The following RBMS3 variants were observed in gnomAD, a reference collection of about 807,000 sequenced individuals.
The protein encoded by RBMS3 is RNA-binding motif, single-stranded-interacting protein 3.
RBMS3 carries 27 observed loss-of-function variants against 66.8 expected under a neutral mutation model. That is an observed-to-expected ratio of 0.40 (90% CI 0.30 to 0.56). The LOEUF (loss-of-function observed/expected upper bound fraction) is 0.56. Among genes scored for constraint, RBMS3 ranks in the 20% least tolerant of loss-of-function variants. The pLI is 0.40. For missense variants in RBMS3, 513 were observed against 549.5 expected, an observed-to-expected ratio of 0.93 and a Z score of 0.66; for synonymous variants, 188 against 183.0, an observed-to-expected ratio of 1.03 and a Z score of -0.22.
intron 6 of RBMS3, among the ~76,000 whole-genome samples, chr3:29,849,037 C>T (rs1269705462): frequency 6.6e-6 from 1 of 152,038 alleles, no homozygotes; most frequent in Non-Finnish European, 1.5e-5. Flanking sequence ...CCTTAGAGAC[C>T]TTGACATTTT....
chr3:29,678,417 A>G lies in RBMS3; in HGVS notation c.400-61303A>G, dbSNP rs572477465. ...GAAAAACTGATGGTATTTTTCTTTG[A>G]GGAGAAAAGTCTGAAAGAAGATTTA... On this transcript the variant is annotated intron_variant, in intron 4 of 14. Coordinates refer to ENST00000383767, the MANE Select transcript of RBMS3 (RefSeq NM_001003793.3). Among the ~76,000 whole-genome samples, 42 of 152,200 alleles carry G rather than the reference A, an allele frequency of 2.8e-4. No individual in the cohort carries two copies. In the South Asian group the frequency reaches 8.3e-3, roughly 30 times the overall value.
At chr3:29,724,823 C>A (rs1457000618) in intron 4 of RBMS3, among the ~76,000 whole-genome samples, 2 of 152,014 alleles carry the variant, frequency 1.3e-5, no homozygotes, top group African/African-American at 4.8e-5. Context: ...TTCTTCGTTG[C>A]CCTAATGTGT....
intron 3 of RBMS3, among the ~76,000 whole-genome samples, chr3:29,533,085 T>A (rs2148996589): frequency 6.6e-6 from 1 of 152,324 alleles, no homozygotes; most frequent in Non-Finnish European, 1.5e-5. Flanking sequence ...ATTATGAAGT[T>A]ATCATAAACC....
intron 4 of RBMS3, among the ~76,000 whole-genome samples, chr3:29,640,697 T>C (rs1186499459): frequency 1.3e-5 from 2 of 150,934 alleles, no homozygotes; most frequent in East Asian, 4.1e-4. Flanking sequence ...ATCAATCATA[T>C]AGTGGTCCTT....
At chr3:29,353,600 A>G (rs909913441) in intron 1 of RBMS3, among the ~76,000 whole-genome samples, 2 of 152,098 alleles carry the variant, frequency 1.3e-5, no homozygotes, top group Admixed American at 6.6e-5. Flanking sequence ...TTAATTATTC[A>G]TCATGGAATC....
intron 5 of RBMS3, among the ~76,000 whole-genome samples, chr3:29,760,085 A>G (rs578255485): frequency 3.4e-4 from 52 of 152,206 alleles, no homozygotes; most frequent in African/African-American, 1.0e-3. Context: ...CCAGCTTGAT[A>G]TGGCTGTAAA....
intron 12 of RBMS3, among the ~76,000 whole-genome samples, chr3:29,957,199 A>G (rs1414004189): frequency 1.3e-5 from 2 of 152,024 alleles, no homozygotes; most frequent in African/African-American, 4.8e-5. Flanking sequence ...CTGAATCACC[A>G]TTTCCAGTTT....
intron 12 of RBMS3, among the ~76,000 whole-genome samples, chr3:29,978,756 T>C (rs1426784711): frequency 6.6e-6 from 1 of 152,082 alleles, no homozygotes; most frequent in Non-Finnish European, 1.5e-5. Flanking sequence ...CTATATTACA[T>C]AAAAATGATC....
chr3:29,924,546 G>C (rs1201311484), intron 10 of RBMS3, among the ~76,000 whole-genome samples: 1 of 152,040 alleles, frequency 6.6e-6, no homozygotes, highest in African/African-American at 2.4e-5. Flanking sequence ...AGATCTTAAA[G>C]AAAGAGCAGT....
chr3:29,946,561 C>G (rs1254092891), intron 12 of RBMS3, among the ~76,000 whole-genome samples: 1 of 151,574 alleles, frequency 6.6e-6, no homozygotes, highest in Non-Finnish European at 1.5e-5. Context: ...ACCATTATAA[C>G]ATTAATAGCA....
At chr3:29,313,271 A>G (rs1481586673) in intron 1 of RBMS3, among the ~76,000 whole-genome samples, 4 of 151,776 alleles carry the variant, frequency 2.6e-5, no homozygotes, top group Admixed American at 6.6e-5. Context: ...ACAACAAGAA[A>G]GAGGTAGGAA....
chr3:29,585,474 A>G (rs774494946), intron 3 of RBMS3, among the ~76,000 whole-genome samples: 1 of 152,086 alleles, frequency 6.6e-6, no homozygotes, highest in African/African-American at 2.4e-5. Flanking sequence ...GATCTGCTCA[A>G]TGAGTGGCTT....
intron 10 of RBMS3, among the ~76,000 whole-genome samples, chr3:29,929,588 C>G (rs2061052827): frequency 9.7e-6 from 1 of 103,418 alleles, no homozygotes; most frequent in African/African-American, 2.7e-5. Flanking sequence ...AATATTATAA[C>G]TTTAAAAAAA....
At chr3:29,766,898 A>T (rs746628321) in intron 6 of RBMS3, 3 of 151,982 alleles carry the variant, frequency 2.0e-5, no homozygotes, top group Non-Finnish European at 4.4e-5. Flanking sequence ...GAAAGAGATC[A>T]TTCAGCGTTT....
chr3:29,688,710 G>A (rs1346009571), intron 4 of RBMS3, among the ~76,000 whole-genome samples: 1 of 150,418 alleles, frequency 6.6e-6, no homozygotes, highest in African/African-American at 2.5e-5. Flanking sequence ...AGCCTCCTAA[G>A]TAACTGGGAC....
At chr3:29,864,901 G>A (rs2059312374) in intron 6 of RBMS3, among the ~76,000 whole-genome samples, 2 of 135,206 alleles carry the variant, frequency 1.5e-5, no homozygotes, top group South Asian at 5.0e-4. Flanking sequence ...AGGGAAGGAA[G>A]GAGGAAGAGA....
Position 29,712,763 on chromosome 3 carries a change from T to G in RBMS3, c.400-26957T>G, listed in dbSNP as rs77307559. 4.3e-3 allele frequency among the ~76,000 whole-genome samples: 652 copies of G among 152,280 alleles called. 16 individuals carry two copies. Among genetic ancestry groups the G allele is most frequent in the Admixed American group, 0.036 (551 of 15,292 alleles). On this transcript the variant is annotated intron_variant, in intron 4 of 14. Transcript: ENST00000383767. ...TTCTGAAGCTGGAATATCCATCTTC[T>G]CATGTCCTTGGACATCAGAACTTCA...
intron 4 of RBMS3, among the ~76,000 whole-genome samples, chr3:29,707,920 T>C (rs552846399): frequency 1.1e-3 from 160 of 152,212 alleles, no homozygotes; most frequent in African/African-American, 3.5e-3. Flanking sequence ...TATTGTGGAG[T>C]GTTTTATTGT....
intron 4 of RBMS3, among the ~76,000 whole-genome samples, chr3:29,659,896 T>C (rs1056733360): frequency 6.6e-6 from 1 of 152,184 alleles, no homozygotes; most frequent in Non-Finnish European, 1.5e-5. Context: ...TCAACACTTA[T>C]TACCTTCTGT....
Sources: allele counts gnomAD v4.1 joint callset (sites outside exome capture counted in the v4.1 genomes callset), GRCh38; gene constraint gnomAD v4.1.1; transcripts MANE v1.5; gene names NCBI Gene and HGNC (gene_info 2026-07-23, HGNC 2026-07-21).